The following BTF3L4 variants were observed in gnomAD, a reference collection of about 807,000 sequenced individuals.
BTF3L4 encodes the protein basic transcription factor 3 like 4.
BTF3L4 carries 6 observed loss-of-function variants against 16.8 expected under a neutral mutation model. The observed-to-expected ratio is 0.36, with a 90% confidence interval of 0.20 to 0.71. The LOEUF is 0.71. Among genes scored for constraint, BTF3L4 ranks in the 30% least tolerant of loss-of-function variants. BTF3L4 has a pLI of 0.58. For synonymous variants in BTF3L4, 39 were observed against 59.8 expected (o/e 0.65, Z 1.60); for missense variants, 92 against 186.9 (o/e 0.49, Z 2.96).
chr1:52,071,931 C>CTGTGTGTGTGTGTGTGTG (rs59491944), intron 3 of BTF3L4, among the ~76,000 whole-genome samples: 5 of 127,898 alleles, frequency 3.9e-5, no homozygotes, highest in Admixed American at 8.2e-5. Flanking sequence ...GTTTTTTACT[C>CTGTGTGTGTGTGTGTGTG]TGTGTGTGTG....
intron 3 of BTF3L4, among the ~76,000 whole-genome samples, chr1:52,075,131 T>C (rs1308222665): frequency 6.6e-6 from 1 of 152,230 alleles, no homozygotes; most frequent in Non-Finnish European, 1.5e-5. Context: ...TTTAATCATG[T>C]GTAGGTATCT....
At chr1:52,063,796 G>A (rs543881914) in intron 2 of BTF3L4, among the ~76,000 whole-genome samples, 4 of 152,070 alleles carry the variant, frequency 2.6e-5, no homozygotes, top group South Asian at 2.1e-4. Flanking sequence ...CATATCCCAC[G>A]TGTAATCCAT....
intron 2 of BTF3L4, among the ~76,000 whole-genome samples, chr1:52,062,679 G>C (rs1686547574): frequency 6.6e-6 from 1 of 152,178 alleles, no homozygotes; most frequent in Non-Finnish European, 1.5e-5. Flanking sequence ...TTTTAGAAAG[G>C]TAGCTGCTGG....
At chr1:52,084,518 G>A (rs757618471) in intron 4 of BTF3L4, among the ~76,000 whole-genome samples, 1 of 152,022 alleles carries the variant, frequency 6.6e-6, no homozygotes, top group Admixed American at 6.6e-5. Context: ...ATGGCTGGGC[G>A]CAGTGGCTCA....
chr1:52,068,351 T>G (rs1282118382), intron 3 of BTF3L4, among the ~76,000 whole-genome samples: 1 of 152,252 alleles, frequency 6.6e-6, no homozygotes, highest in Non-Finnish European at 1.5e-5. Flanking sequence ...TGGTACAAGA[T>G]ATTCTGCATG....
chr1:52,066,108 TTAA>T (rs919131915), intron 3 of BTF3L4, among the ~76,000 whole-genome samples: 16 of 152,302 alleles, frequency 1.1e-4, no homozygotes, highest in South Asian at 2.1e-4. Context: ...AGACCAAAGA[TTAA>T]TGTTATTCCA....
chr1:52,059,158 G>A (rs1686448777), intron 1 of BTF3L4, among the ~76,000 whole-genome samples: 1 of 151,870 alleles, frequency 6.6e-6, no homozygotes, highest in South Asian at 2.1e-4. Flanking sequence ...ATGCAAGAAT[G>A]TCTTGACAAG....
intron 2 of BTF3L4, among the ~76,000 whole-genome samples, chr1:52,061,487 C>T (rs1176521958): frequency 2.1e-5 from 1 of 48,184 alleles, no homozygotes; most frequent in South Asian, 7.0e-4. Flanking sequence ...GACTCCGTCT[C>T]AAAAAAAAAA....
chr1:52,077,097 G>A (rs1686953596), intron 3 of BTF3L4, among the ~76,000 whole-genome samples: 1 of 152,132 alleles, frequency 6.6e-6, no homozygotes, highest in African/African-American at 2.4e-5. Context: ...GAGCCCAGGA[G>A]TTTGAGGCTG....
chr1:52,064,906 C>T lies in BTF3L4; in HGVS notation c.136C>T (p.Leu46=). The change falls in exon 3 of 6, where the codon CTG becomes TTG. Residue 46 remains leucine, a synonymous_variant. Transcript: ENST00000313334. ...DKKLQSSLKK[L]AVNNIAGIEE... ...AAAGCTTCAGAGTTCTCTAAAAAAA[C>T]TGGCTGTGAATAATATAGCTGGTAT... The T allele has an allele frequency of 6.2e-7, 1 of 1,612,786 alleles. No individual in the cohort carries two copies. Among genetic ancestry groups the T allele is most frequent in the South Asian group, 1.1e-5 (1 of 90,894 alleles).
At chr1:52,080,528 T>G (rs1291380692) in intron 3 of BTF3L4, among the ~76,000 whole-genome samples, 3 of 118,028 alleles carry the variant, frequency 2.5e-5, no homozygotes, top group East Asian at 4.8e-4. Flanking sequence ...GGTTTTTTTT[T>G]TTTTTTTTTT....
At chr1:52,083,277 T>A (rs1643941392) in intron 3 of BTF3L4, 63 bp from the exon 4 acceptor site, 1 of 1,428,654 alleles carries the variant, frequency 7.0e-7, no homozygotes. Flanking sequence ...AATTGCTTTT[T>A]AAAAATATAT....
chr1:52,081,534 G>A (rs1643922591), intron 3 of BTF3L4, among the ~76,000 whole-genome samples: 1 of 152,152 alleles, frequency 6.6e-6, no homozygotes. Flanking sequence ...GCTAAATGCA[G>A]AGCAACATCC....
rs1233529430 is a variant in BTF3L4 at position 52,088,159 on chromosome 1, C to T, written c.*1401C>T. The T allele has an allele frequency of 6.6e-6, 1 of 152,570 alleles. No homozygotes were observed. The highest frequency in any genetic ancestry group is 2.4e-5 in the African/African-American group (1 of 41,430). The allele number at this position is 152,570 out of a possible 1,614,324, so 9.5% of individuals were successfully genotyped here. ...TATCATTTCCTGGCCCATCATCAAA[C>T]TAATACAGCTTAACCTTGCAGCTAC... is the stretch of plus-strand genomic sequence containing the variant. On this transcript the variant is annotated 3_prime_UTR_variant, in exon 6 of 6. Coordinates refer to ENST00000313334, the MANE Select transcript of BTF3L4 (RefSeq NM_152265.5).
intron 4 of BTF3L4, among the ~76,000 whole-genome samples, chr1:52,083,872 T>C (rs1298388623): frequency 6.6e-6 from 1 of 151,864 alleles, no homozygotes; most frequent in Non-Finnish European, 1.5e-5. Flanking sequence ...ATACAAAAAT[T>C]AGCCAGGCAT....
intron 3 of BTF3L4, among the ~76,000 whole-genome samples, chr1:52,066,467 G>T (rs544270225): frequency 5.7e-4 from 87 of 151,310 alleles, no homozygotes; most frequent in African/African-American, 1.8e-3. Flanking sequence ...CTCCCAAAGT[G>T]CTGGGATTAC....
At chr1:52,073,529 C>CACACAT (rs1553239841) in intron 3 of BTF3L4, among the ~76,000 whole-genome samples, 1 of 143,464 alleles carries the variant, frequency 7.0e-6, no homozygotes, top group Non-Finnish European at 1.5e-5. Flanking sequence ...CACACACACA[C>CACACAT]ATATGATTAC....
intron 1 of BTF3L4, among the ~76,000 whole-genome samples, chr1:52,057,817 A>T (rs1439299721): frequency 6.6e-6 from 1 of 152,168 alleles, no homozygotes; most frequent in East Asian, 1.9e-4. Flanking sequence ...AAATTTCTCA[A>T]TTCTGTTGTC....
At chr1:52,066,760 G>A (rs1686661369) in intron 3 of BTF3L4, among the ~76,000 whole-genome samples, 1 of 151,818 alleles carries the variant, frequency 6.6e-6, no homozygotes, top group Admixed American at 6.6e-5. Flanking sequence ...GCAGGAGAAT[G>A]GAGTGAACCC....
Sources: allele counts gnomAD v4.1 joint callset (sites outside exome capture counted in the v4.1 genomes callset), GRCh38; gene constraint gnomAD v4.1.1; transcripts MANE v1.5; gene names NCBI Gene and HGNC (gene_info 2026-07-23, HGNC 2026-07-21).